PDE1C: variants seen among roughly 807,000 people sequenced by gnomAD.
PDE1C encodes the protein phosphodiesterase 1C.
In PDE1C, 62 loss-of-function variants were observed where a neutral mutation model predicts 93.1. The ratio of observed to expected loss-of-function variants is 0.67; its 90% CI spans 0.54 to 0.82. The LOEUF (loss-of-function observed/expected upper bound fraction) is 0.82. Ranked by LOEUF, PDE1C falls within the 40% of genes least tolerant of loss-of-function variation. The probability of loss-of-function intolerance (pLI) is 0.00; values close to 1 mark genes in which losing one functional copy is unlikely to be tolerated. For missense variants in PDE1C, 742 were observed against 884.6 expected, an observed-to-expected ratio of 0.84 and a Z score of 2.04; for synonymous variants, 325 against 310.1, an observed-to-expected ratio of 1.05 and a Z score of -0.50.
chr7:32,412,301 C>T (rs1210447035), intron 1 of PDE1C, among the ~76,000 whole-genome samples: 9 of 151,708 alleles, frequency 5.9e-5, no homozygotes, highest in Admixed American at 4.6e-4. Flanking sequence ...ACTAAAAATA[C>T]AAAAATTAGC....
At chr7:31,790,181 T>G (rs1784415701) in intron 16 of PDE1C, 3 of 1,605,032 alleles carry the variant, frequency 1.9e-6, no homozygotes, top group South Asian at 2.2e-5. Flanking sequence ...AGAAGGAGAA[T>G]GAAGAAGCTC....
chr7:32,086,987 A>T, intron 3 of PDE1C, among the ~76,000 whole-genome samples: 1 of 151,940 alleles, frequency 6.6e-6, no homozygotes, highest in Non-Finnish European at 1.5e-5. Flanking sequence ...TGGCAACAAA[A>T]GCCAAACTTG....
chr7:32,174,764 G>A (rs1802875497), intron 2 of PDE1C, among the ~76,000 whole-genome samples: 1 of 152,146 alleles, frequency 6.6e-6, no homozygotes, highest in Non-Finnish European at 1.5e-5. Context: ...AGCTGTACCT[G>A]TATTTCAGAA....
At chr7:31,847,799 GACAT>G (rs1353081318) in intron 9 of PDE1C, 165 bp downstream of exon 9, 31 of 649,270 alleles carry the variant, frequency 4.8e-5, no homozygotes, top group Non-Finnish European at 1.3e-5. Context: ...AGAGAAATAA[GACAT>G]ACATACATAC....
At chr7:32,245,151 C>G (rs1407888385) in intron 1 of PDE1C, among the ~76,000 whole-genome samples, 1 of 152,090 alleles carries the variant, frequency 6.6e-6, no homozygotes, top group Non-Finnish European at 1.5e-5. Context: ...GAAAATGCAC[C>G]CACAGCAACA....
Position 32,419,421 on chromosome 7 carries a change from G to A in PDE1C, c.310+8401C>T, listed in dbSNP as rs369978500. Among the ~76,000 whole-genome samples the A allele has an allele frequency of 1.5e-4, 23 of 152,162 alleles. No individual in the cohort carries two copies. The East Asian group carries it at 2.5e-3, about 17-fold the overall frequency. The stretch of plus-strand genomic sequence containing the variant: ...CCCTCTAACTACTCCCTCCCTACCC[G>A]GAGAGTCTCCTTTGGAGGTTAACTT... On this transcript the variant is annotated intron_variant, in intron 1 of 1. Coordinates refer to the PDE1C transcript ENST00000672256.
At chr7:32,077,770 C>T (rs1260275877) in intron 3 of PDE1C, 1 of 667,028 alleles carries the variant, frequency 1.5e-6, no homozygotes, top group East Asian at 1.4e-4. Context: ...GGGGTTTCAC[C>T]ATCTTGGCCA....
intron 1 of PDE1C, among the ~76,000 whole-genome samples, chr7:32,386,277 T>G (rs1191399707): frequency 8.7e-6 from 1 of 114,286 alleles, no homozygotes; most frequent in Admixed American, 1.0e-4. Context: ...ATAAAAACCA[T>G]GCATATTTTC....
intron 3 of PDE1C, among the ~76,000 whole-genome samples, chr7:32,105,488 A>T (rs1798252114): frequency 6.6e-6 from 1 of 152,198 alleles, no homozygotes; most frequent in African/African-American, 2.4e-5. Context: ...CAATTTCCTT[A>T]TCCCAATAAG....
At chr7:31,921,407 T>C (rs1361501607) in intron 2 of PDE1C, among the ~76,000 whole-genome samples, 1 of 152,106 alleles carries the variant, frequency 6.6e-6, no homozygotes. Context: ...GATCCTAAGG[T>C]CAGAAGTTGG....
chr7:31,988,888 G>A (rs757647839), intron 2 of PDE1C, among the ~76,000 whole-genome samples: 17 of 151,808 alleles, frequency 1.1e-4, no homozygotes, highest in Middle Eastern at 3.4e-3. Flanking sequence ...CCAGCTACTC[G>A]GGAGGCTGAG....
At chr7:31,941,724 G>T (rs1805872587) in intron 2 of PDE1C, 1 of 152,174 alleles carries the variant, frequency 6.6e-6, no homozygotes, top group Admixed American at 6.5e-5. Context: ...AGGGAATCTG[G>T]CTTCTAATTT....
chr7:31,850,007 G>A (rs7789826), intron 8 of PDE1C, among the ~76,000 whole-genome samples: 123,693 of 152,020 alleles, frequency 0.81, 50,440 homozygotes, highest in East Asian at 0.96. Flanking sequence ...AGGAGGTTCC[G>A]AGTGGGGCAC....
intron 3 of PDE1C, among the ~76,000 whole-genome samples, chr7:32,076,520 G>A (rs566106294): frequency 3.8e-4 from 58 of 152,056 alleles, no homozygotes; most frequent in Middle Eastern, 3.4e-3. Flanking sequence ...GCACACGCCT[G>A]TAATCCCAGC....
chr7:31,685,793 T>C, the PDE1C span, among the ~76,000 whole-genome samples: 2 of 152,158 alleles, frequency 1.3e-5, no homozygotes, highest in African/African-American at 4.8e-5. Flanking sequence ...TCCCTCAACA[T>C]CTAGGGCCTT....
Position 31,920,925 on chromosome 7 carries a change from A to G in PDE1C, c.129-40065T>C, listed in dbSNP as rs11976816. Among the ~76,000 whole-genome samples the G allele has an allele frequency of 8.1e-3, 1,234 of 152,324 alleles. 19 individuals carry two copies. The highest frequency in any genetic ancestry group is 0.027 in the African/African-American group (1,129 of 41,572). On this transcript the variant is annotated intron_variant, in intron 2 of 17. Transcript: ENST00000396191. Reference sequence around the variant, plus strand: ...ACCCTTCTAATATGCCTGATTTCTTACCACCATTCATTCTATTAACCCTTA... The same window carrying G: ...ACCCTTCTAATATGCCTGATTTCTTGCCACCATTCATTCTATTAACCCTTA...
chr7:31,848,718 T>G (rs1007702470), intron 8 of PDE1C, among the ~76,000 whole-genome samples: 1 of 152,192 alleles, frequency 6.6e-6, no homozygotes, highest in Non-Finnish European at 1.5e-5. Flanking sequence ...TTAAATTTAA[T>G]GAAAGCTTAG....
chr7:32,043,326 A>G (rs1792101055), intron 2 of PDE1C, among the ~76,000 whole-genome samples: 1 of 152,166 alleles, frequency 6.6e-6, no homozygotes, highest in African/African-American at 2.4e-5. Flanking sequence ...AACCCTGTCA[A>G]TTGTGCCTCT....
rs141337222 is a variant in PDE1C at position 31,929,751 on chromosome 7, C to T, written c.129-48891G>A. On this transcript the variant is annotated intron_variant, in intron 2 of 17. Transcript: ENST00000396191. ...TTTGAAACCAATGAGAACCAAGACA[C>T]AACGTATCAGAATCTCTGGCACACG... Among the ~76,000 whole-genome samples, 936 of 152,240 alleles carry T rather than the reference C, an allele frequency of 6.1e-3. 10 individuals are homozygous for T. Among genetic ancestry groups the T allele is most frequent in the African/African-American group, 0.021 (889 of 41,520 alleles).
Sources: gnomAD v4.1 joint callset for allele counts (sites outside exome capture counted in the v4.1 genomes callset) on GRCh38, gnomAD v4.1.1 for gene constraint, MANE v1.5 for transcripts, NCBI Gene and HGNC (gene_info 2026-07-23, HGNC 2026-07-21) for gene names.